The following RCL1 variants were observed in gnomAD, a reference collection of about 807,000 sequenced individuals.
RCL1 encodes the protein RNA terminal phosphate cyclase like 1.
A neutral mutation model predicts 42.4 loss-of-function variants in RCL1; 24 were observed. That is an observed-to-expected ratio of 0.57 (90% CI 0.41 to 0.80). The LOEUF is 0.80. Among genes scored for constraint, RCL1 ranks in the 30% least tolerant of loss-of-function variants. The pLI, the probability that RCL1 is intolerant of heterozygous loss-of-function variation, is 0.00. For missense variants in RCL1, 578 were observed against 467.9 expected (o/e 1.24, Z -2.17); for synonymous variants, 228 against 177.3 (o/e 1.29, Z -2.27).
intron 1 of RCL1, among the ~76,000 whole-genome samples, chr9:4,807,961 T>C (rs1276818831): frequency 1.3e-5 from 2 of 152,240 alleles, no homozygotes; most frequent in East Asian, 3.8e-4. Flanking sequence ...TTTTTTTTAA[T>C]GGTCCAAGAT....
At chr9:4,826,056 C>G (rs1816750675) in intron 2 of RCL1, among the ~76,000 whole-genome samples, 1 of 151,040 alleles carries the variant, frequency 6.6e-6, no homozygotes, top group East Asian at 1.9e-4. Flanking sequence ...ATAGTGAGAC[C>G]CTTTCTCTAA....
chr9:4,860,288 G>A lies in RCL1; in HGVS notation c.*13G>A. 1 of 1,611,478 alleles carries A rather than the reference G, an allele frequency of 6.2e-7. No homozygotes were observed. Among genetic ancestry groups the A allele is most frequent in the South Asian group, 1.1e-5 (1 of 90,372 alleles). ...GACCCTCAAGTGATAACCATCACAAGATAAGGCCCCAATGCCTACAGACAA... is the reference window on the plus strand; with the variant it reads ...GACCCTCAAGTGATAACCATCACAAAATAAGGCCCCAATGCCTACAGACAA... On this transcript the variant is annotated 3_prime_UTR_variant, in exon 9 of 9. Coordinates refer to ENST00000381750, the MANE Select transcript of RCL1 (RefSeq NM_005772.5).
chr9:4,822,120 G>A (rs1346611663), intron 1 of RCL1, among the ~76,000 whole-genome samples: 1 of 152,232 alleles, frequency 6.6e-6, no homozygotes, highest in African/African-American at 2.4e-5. Context: ...CTAGCCCAGT[G>A]CCCTTTGTAC....
At chr9:4,830,406 A>T (rs757657465) in intron 3 of RCL1, among the ~76,000 whole-genome samples, 2 of 152,150 alleles carry the variant, frequency 1.3e-5, no homozygotes, top group Non-Finnish European at 2.9e-5. Context: ...TCCAGAGGGG[A>T]TAAGGATTGA....
At chr9:4,802,145 G>A (rs1002143862) in intron 1 of RCL1, among the ~76,000 whole-genome samples, 40 of 140,382 alleles carry the variant, frequency 2.8e-4, no homozygotes, top group African/African-American at 9.3e-4. Context: ...GGCTGGTCTC[G>A]AACTTCTGAG....
intron 2 of RCL1, among the ~76,000 whole-genome samples, chr9:4,825,078 ATTT>A (rs765222407): frequency 7.4e-6 from 1 of 135,900 alleles, no homozygotes; most frequent in Non-Finnish European, 1.6e-5. Context: ...TACCTGGCTC[ATTT>A]TTTTTTTTTT....
At chr9:4,821,516 T>G (rs535629138) in intron 1 of RCL1, among the ~76,000 whole-genome samples, 1 of 152,338 alleles carries the variant, frequency 6.6e-6, no homozygotes, top group Middle Eastern at 3.4e-3. Context: ...TTTATCACAG[T>G]TCTGGAAGCC....
chr9:4,854,837 A>G (rs1187436626), intron 8 of RCL1, among the ~76,000 whole-genome samples: 1 of 151,846 alleles, frequency 6.6e-6, no homozygotes, highest in East Asian at 1.9e-4. Context: ...CGGGTAGATC[A>G]CGAGGTCAGG....
chr9:4,827,192 A>C, intron 3 of RCL1, 159 bp downstream of exon 3: 1 of 1,542,558 alleles, frequency 6.5e-7, no homozygotes, highest in Non-Finnish European at 8.7e-7. Context: ...TCCAGGAGGC[A>C]GATGAACCAA....
chr9:4,798,397 A>AC lies in RCL1; in HGVS notation c.136+5173dup, dbSNP rs1842946932. Among the ~76,000 whole-genome samples, 3 of 152,232 alleles carry AC rather than the reference A, an allele frequency of 2.0e-5. No individual in the cohort carries two copies. The South Asian group carries it at 6.2e-4, about 32-fold the overall frequency. On this transcript the variant is annotated intron_variant, in intron 1 of 8. Transcript: ENST00000381750. ...GGAGTCAGAAGACAGGACTGCTACT[A>AC]CCCAGGATCCTGAGCAGGTCATGTA...
At chr9:4,818,167 C>T (rs10815090) in intron 1 of RCL1, among the ~76,000 whole-genome samples, 55,050 of 150,808 alleles carry the variant, frequency 0.37, 10,651 homozygotes, top group East Asian at 0.74. Context: ...GTGATCCACC[C>T]GCCTCGGCCT....
intron 1 of RCL1, among the ~76,000 whole-genome samples, chr9:4,795,412 G>C (rs1304850394): frequency 6.6e-6 from 1 of 152,176 alleles, no homozygotes; most frequent in African/African-American, 2.4e-5. Flanking sequence ...AGAGGGAACA[G>C]AGAGATAGAT....
intron 1 of RCL1, among the ~76,000 whole-genome samples, chr9:4,817,499 G>T: frequency 6.7e-6 from 1 of 149,016 alleles, no homozygotes; most frequent in African/African-American, 2.5e-5. Flanking sequence ...TTTGAGACAG[G>T]GTCTGGCTCT....
At chr9:4,819,407 G>GT (rs1816505369) in intron 1 of RCL1, among the ~76,000 whole-genome samples, 1 of 152,102 alleles carries the variant, frequency 6.6e-6, no homozygotes, top group African/African-American at 2.4e-5. Context: ...CTAGTTTGTT[G>GT]TTTTTTTCCC....
chr9:4,849,670 T>C (rs913657473), intron 8 of RCL1, 120 bp downstream of exon 8: 13 of 692,192 alleles, frequency 1.9e-5, no homozygotes, highest in Non-Finnish European at 3.1e-5. Context: ...GTGTTTATCC[T>C]CAAATCAGCC....
chr9:4,825,460 T>G (rs183067015), intron 2 of RCL1, among the ~76,000 whole-genome samples: 2 of 152,326 alleles, frequency 1.3e-5, no homozygotes, highest in Non-Finnish European at 2.9e-5. Flanking sequence ...AGAGTCCATT[T>G]GAGAAGTGTT....
intron 8 of RCL1, 129 bp from the exon 9 acceptor site, chr9:4,859,996 T>C (rs2129765082): frequency 1.7e-6 from 1 of 591,500 alleles, no homozygotes; most frequent in Non-Finnish European, 2.8e-6. Context: ...TTAATCAGAT[T>C]CGATGAGAAG....
At chr9:4,809,720 C>G (rs1049145578) in intron 1 of RCL1, among the ~76,000 whole-genome samples, 1 of 152,224 alleles carries the variant, frequency 6.6e-6, no homozygotes, top group Admixed American at 6.5e-5. Flanking sequence ...ATTGATATTT[C>G]TTCCCTGTAT....
intron 1 of RCL1, among the ~76,000 whole-genome samples, chr9:4,800,984 T>C (rs113965129): frequency 6.6e-4 from 100 of 152,246 alleles, no homozygotes; most frequent in African/African-American, 2.2e-3. Context: ...CTATCTGTAG[T>C]GTATGAGGGA....
Sources: gnomAD v4.1 joint callset for allele counts (sites outside exome capture counted in the v4.1 genomes callset) on GRCh38, gnomAD v4.1.1 for gene constraint, MANE v1.5 for transcripts, NCBI Gene and HGNC (gene_info 2026-07-23, HGNC 2026-07-21) for gene names.